SYT17: variants seen among roughly 807,000 people sequenced by gnomAD.
The protein encoded by SYT17 is synaptotagmin-17.
SYT17 carries 22 observed loss-of-function variants against 46.7 expected under a neutral mutation model. The observed-to-expected ratio is 0.47, with a 90% CI of 0.34 to 0.67. SYT17 has a LOEUF of 0.67. Among genes scored for constraint, SYT17 ranks in the 30% least tolerant of loss-of-function variants. The pLI, the probability that SYT17 is intolerant of heterozygous loss-of-function variation, is 0.01. For synonymous variants in SYT17, 251 were observed against 248.4 expected (o/e 1.01, Z -0.10); for missense variants, 519 against 612.8 (o/e 0.85, Z 1.62).
intron 3 of SYT17, among the ~76,000 whole-genome samples, chr16:19,175,004 C>T (rs1022950970): frequency 3.3e-5 from 5 of 152,084 alleles, no homozygotes; most frequent in Admixed American, 2.0e-4. Flanking sequence ...TGATGTGTGC[C>T]TGTGGCCCCA....
intron 5 of SYT17, 90 bp downstream of exon 5, chr16:19,184,237 G>T (rs761458715): frequency 1.8e-5 from 26 of 1,469,634 alleles, no homozygotes; most frequent in Middle Eastern, 2.6e-4. Flanking sequence ...AGGCTTTTTT[G>T]GATTTTTAAA....
At chr16:19,231,547 A>AG (rs1966687990) in intron 7 of SYT17, among the ~76,000 whole-genome samples, 1 of 150,538 alleles carries the variant, frequency 6.6e-6, no homozygotes, top group South Asian at 2.1e-4. Flanking sequence ...AAAAAAAAAA[A>AG]AAAGAAAAGA....
At position 19,220,159 on chromosome 16, in the gene SYT17, G is replaced by A. The variant is rs186479101; in HGVS notation, c.952-2886G>A. On this transcript the variant is annotated intron_variant, in intron 5 of 7. Transcript: ENST00000355377. The stretch of plus-strand genomic sequence containing the variant: ...TCTCCATACTTGGATACCCAGGGCA[G>A]GGCAGCAGGAATGTAAAGGGGCAGA... 3.6e-3 allele frequency among the ~76,000 whole-genome samples: 548 copies of A among 152,182 alleles called. 10 individuals carry two copies. The highest frequency in any genetic ancestry group is 0.034 in the Admixed American group (515 of 15,272).
chr16:19,241,488 C>G (rs1330538215), intron 7 of SYT17, among the ~76,000 whole-genome samples: 2 of 152,202 alleles, frequency 1.3e-5, no homozygotes, highest in Non-Finnish European at 2.9e-5. Context: ...TGCTCCCACC[C>G]ACTCTGTGGA....
intron 3 of SYT17, among the ~76,000 whole-genome samples, chr16:19,177,146 G>A (rs1964346454): frequency 6.6e-6 from 1 of 152,170 alleles, no homozygotes; most frequent in Admixed American, 6.5e-5. Context: ...TGTGTAAGCA[G>A]GGGCAAGGGG....
chr16:19,250,352 A>G (rs1187635968), intron 7 of SYT17, among the ~76,000 whole-genome samples: 1 of 106,786 alleles, frequency 9.4e-6, no homozygotes, highest in Non-Finnish European at 2.0e-5. Context: ...AGATGTCTCA[A>G]ACATGTTTGT....
chr16:19,246,941 G>A (rs8062263), intron 7 of SYT17, among the ~76,000 whole-genome samples: 20,273 of 152,152 alleles, frequency 0.13, 1,818 homozygotes, highest in African/African-American at 0.24. Flanking sequence ...AGGTGATGTT[G>A]AATCCAAATG....
In SYT17 at chr16:19,183,278, ATATGCGATG is replaced by A. The variant is rs1402103903; in HGVS notation, c.332-249_332-241del. On this transcript the variant is annotated intron_variant, in intron 4 of 7. Coordinates refer to ENST00000355377, the MANE Select transcript of SYT17 (RefSeq NM_016524.4). The surrounding 1 kb of genome is among the most constrained non-coding windows in gnomAD (Gnocchi z 5.6). The stretch of plus-strand genomic sequence containing the variant: ...GGGGATGTGAAGATTGTGATTGCAC[ATATGCGATG>A]ATGTAGTGTACACAGTCCATTAGAG... 1.3e-5 allele frequency among the ~76,000 whole-genome samples: 2 copies of A among 152,356 alleles called. No homozygotes were observed. Among genetic ancestry groups the A allele is most frequent in the African/African-American group, 4.8e-5 (2 of 41,588 alleles).
At position 19,183,800 on chromosome 16, in the gene SYT17, AC is replaced by A; in HGVS notation, c.606del (p.Val203CysfsTer3). On this transcript the variant is annotated frameshift_variant, in exon 5 of 8. Coordinates refer to ENST00000355377, the MANE Select transcript of SYT17 (RefSeq NM_016524.4). LOFTEE classifies it high-confidence loss of function. This position sits in a 1 kb window ranked among gnomAD's most constrained non-coding sequence, Gnocchi z 5.6. ...GTACGACCTGCTGCACAACCACCTC[AC>A]CGTGCGCGTGATCGAGGCCAGGGAC... The part of the protein sequence containing the change: ...TQYDLLHNHL[T>X]VRVIEARDLP... 1 of 1,613,978 alleles carries A rather than the reference AC, an allele frequency of 6.2e-7. No homozygotes were observed. Among genetic ancestry groups the A allele is most frequent in the African/African-American group, 1.3e-5 (1 of 74,986 alleles).
chr16:19,243,306 C>T (rs550314404), intron 7 of SYT17, among the ~76,000 whole-genome samples: 1 of 152,250 alleles, frequency 6.6e-6, no homozygotes, highest in South Asian at 2.1e-4. Flanking sequence ...GGTCCAGGAA[C>T]CAGGGAGAGT....
intron 7 of SYT17, among the ~76,000 whole-genome samples, chr16:19,245,987 C>A (rs1045871781): frequency 4.6e-5 from 7 of 151,590 alleles, no homozygotes; most frequent in African/African-American, 1.5e-4. Context: ...AGATATAATT[C>A]CTATATTTTG....
intron 5 of SYT17, among the ~76,000 whole-genome samples, chr16:19,220,447 C>T (rs1966273510): frequency 6.6e-6 from 1 of 151,780 alleles, no homozygotes; most frequent in African/African-American, 2.4e-5. Context: ...CACAGGTGCA[C>T]ACCACCATGT....
At chr16:19,229,871 C>G (rs1966618976) in intron 7 of SYT17, among the ~76,000 whole-genome samples, 2 of 152,100 alleles carry the variant, frequency 1.3e-5, no homozygotes, top group African/African-American at 4.8e-5. Flanking sequence ...GAATATTACT[C>G]AGTCTTGAGT....
chr16:19,179,705 G>T (rs562781736), intron 3 of SYT17, among the ~76,000 whole-genome samples: 10 of 152,296 alleles, frequency 6.6e-5, no homozygotes, highest in Non-Finnish European at 1.2e-4. Context: ...CCCAGCCAGG[G>T]TTCAGCCCCA....
At chr16:19,185,225 G>A (rs1399874258) in intron 5 of SYT17, among the ~76,000 whole-genome samples, 1 of 151,856 alleles carries the variant, frequency 6.6e-6, no homozygotes, top group African/African-American at 2.4e-5. Flanking sequence ...TGGGATGGCT[G>A]TTGTAGGAAC....
chr16:19,201,738 A>G (rs1159600070), intron 5 of SYT17, among the ~76,000 whole-genome samples: 1 of 151,872 alleles, frequency 6.6e-6, no homozygotes, highest in African/African-American at 2.4e-5. Context: ...TATAGTGGGT[A>G]AGGGAGTAGG....
intron 5 of SYT17, among the ~76,000 whole-genome samples, chr16:19,212,784 C>T (rs998663696): frequency 6.6e-6 from 1 of 152,196 alleles, no homozygotes; most frequent in Non-Finnish European, 1.5e-5. Flanking sequence ...GGAGATCCTA[C>T]CAGAACAAGC....
chr16:19,267,943 TG>T lies in SYT17; in HGVS notation c.*868del, dbSNP rs1368228263. 1.9e-4 allele frequency: 17 copies of T among 88,268 alleles called. No individual in the cohort carries two copies. Among genetic ancestry groups the T allele is most frequent in the African/African-American group, 1.1e-3 (16 of 14,900 alleles). 5.5% of individuals were successfully genotyped at this position (88,268 alleles called of 1,614,324 possible). On this transcript the variant is annotated 3_prime_UTR_variant, in exon 8 of 8. Coordinates refer to ENST00000355377, the MANE Select transcript of SYT17 (RefSeq NM_016524.4). ...TCCCACTTTGGATAAAAGTAGTGTG[TG>T]TGTGTGTGTGTGTGTGTGTGTGTGT...
In SYT17 at chr16:19,191,861, T is replaced by A. The variant is rs573304878; in HGVS notation, c.951+7714T>A. 1.8e-4 allele frequency among the ~76,000 whole-genome samples: 28 copies of A among 152,216 alleles called. No individual in the cohort carries two copies. In the East Asian group the frequency reaches 4.7e-3, roughly 25 times the overall value. On this transcript the variant is annotated intron_variant, in intron 5 of 7. Transcript: ENST00000355377. ...GTGTAGTGGCATGATCTCGGCTCAC[T>A]GCAACCTCTGCCTCTCGGGTTCAAG...
Sources: allele counts gnomAD v4.1 joint callset (sites outside exome capture counted in the v4.1 genomes callset), GRCh38; gene constraint gnomAD v4.1.1; non-coding constraint Gnocchi (gnomAD v3.1); transcripts MANE v1.5; gene names NCBI Gene and HGNC (gene_info 2026-07-23, HGNC 2026-07-21).